ACTR5: variants seen among roughly 807,000 people sequenced by gnomAD.
ACTR5 encodes the protein actin-related protein 5.
ACTR5 carries 43 observed loss-of-function variants against 61.2 expected under a neutral mutation model. That is an observed-to-expected ratio of 0.70 (90% CI 0.55 to 0.91). ACTR5 has a LOEUF of 0.91. ACTR5 is among the 40% of genes least tolerant of loss of function. ACTR5 has a pLI of 0.00. For synonymous variants in ACTR5, 333 were observed against 310.5 expected, an observed-to-expected ratio of 1.07 and a Z score of -0.76; for missense variants, 798 against 782.2, an observed-to-expected ratio of 1.02 and a Z score of -0.24.
chr20:38,751,353 T>C (rs1342057756), intron 2 of ACTR5, among the ~76,000 whole-genome samples: 2 of 152,266 alleles, frequency 1.3e-5, no homozygotes, highest in African/African-American at 4.8e-5. Flanking sequence ...TCATGAAGTT[T>C]CTATGAAAAT....
Position 38,754,972 on chromosome 20 carries a change from G to A in ACTR5, c.791G>A (p.Arg264Gln), listed in dbSNP as rs748333992. The A allele has an allele frequency of 2.5e-5, 40 of 1,613,930 alleles. No individual in the cohort carries two copies. Among genetic ancestry groups the A allele is most frequent in the Middle Eastern group, 3.3e-4 (2 of 6,084 alleles). The change falls in exon 4 of 9, where the codon CGG (arginine) becomes CAG (glutamine). Residue 264 changes from arginine to glutamine, a missense_variant. Arg to Gln is a conservative substitution (Grantham distance 43, BLOSUM62 1). Transcript: ENST00000243903. Reference sequence around the variant, plus strand: ...TTCTTTGAAGAATTACACAAATGGCGGTGTCCTGATTATTATGAGAATAAT... The same window carrying A: ...TTCTTTGAAGAATTACACAAATGGCAGTGTCCTGATTATTATGAGAATAAT... ...EDYVEELHKW[R>Q]CPDYYENNVH...
At position 38,748,604 on chromosome 20, in the gene ACTR5, C is replaced by G; in HGVS notation, c.126C>G (p.Val42=). 10 of 1,523,662 alleles carry G rather than the reference C, an allele frequency of 6.6e-6. No homozygotes were observed. Among genetic ancestry groups the G allele is most frequent in the Non-Finnish European group, 8.8e-6 (10 of 1,137,870 alleles). The allele number at this position is 1,523,662 out of a possible 1,614,324, so 94.4% of individuals were successfully genotyped here. A position where few individuals can be genotyped will look rare whatever the true frequency, so the allele number is the denominator to read the frequency against. The part of the protein sequence containing the change: ...PLVLDNGSFQ[V]RAGWACPGQD... ...TGCTGGACAACGGGTCGTTCCAAGT[C>G]CGCGCTGGCTGGGCGTGTCCCGGGC... The change falls in exon 1 of 9, where the codon GTC becomes GTG. Residue 42 remains valine, a synonymous_variant. Coordinates refer to ENST00000243903, the MANE Select transcript of ACTR5 (RefSeq NM_024855.4).
chr20:38,758,716 A>G (rs2084435356), intron 5 of ACTR5, among the ~76,000 whole-genome samples: 1 of 152,206 alleles, frequency 6.6e-6, no homozygotes, highest in Non-Finnish European at 1.5e-5. Flanking sequence ...ATTTTAGGGT[A>G]ATTCTTAATG....
At chr20:38,769,730 CT>C (rs2084509188) in intron 8 of ACTR5, among the ~76,000 whole-genome samples, 1 of 152,056 alleles carries the variant, frequency 6.6e-6, no homozygotes, top group African/African-American at 2.4e-5. Flanking sequence ...ATAAAATGTG[CT>C]CTGGGCACTC....
chr20:38,767,380 G>A, intron 7 of ACTR5, 84 bp from the exon 8 acceptor site: 1 of 1,087,198 alleles, frequency 9.2e-7, no homozygotes, highest in Non-Finnish European at 1.3e-6. Context: ...TTTCTGTTTT[G>A]TACTGAGAGC....
intron 5 of ACTR5, among the ~76,000 whole-genome samples, chr20:38,759,841 T>C (rs1051206485): frequency 1.3e-5 from 2 of 152,096 alleles, no homozygotes; most frequent in African/African-American, 4.8e-5. Context: ...ATTTGGTTTT[T>C]TGAGAAGGAC....
intron 5 of ACTR5, 54 bp from the exon 6 acceptor site, chr20:38,765,348 G>A: frequency 7.8e-7 from 1 of 1,287,980 alleles, no homozygotes; most frequent in Non-Finnish European, 1.1e-6. Context: ...TAAAATGATA[G>A]AACTGAGGCC....
intron 3 of ACTR5, among the ~76,000 whole-genome samples, chr20:38,753,581 T>C (rs771152700): frequency 5.3e-5 from 8 of 152,284 alleles, no homozygotes; most frequent in Non-Finnish European, 1.0e-4. Flanking sequence ...TGTTTTCATT[T>C]CTCCAGAGTA....
intron 8 of ACTR5, among the ~76,000 whole-genome samples, chr20:38,769,998 A>G (rs764695232): frequency 9.9e-5 from 15 of 152,196 alleles, no homozygotes; most frequent in East Asian, 1.9e-4. Flanking sequence ...GTAATTTCCA[A>G]AGTCTCCCAT....
At chr20:38,749,027 A>G (rs1456289035) in intron 1 of ACTR5, among the ~76,000 whole-genome samples, 174 bp downstream of exon 1, 1 of 152,144 alleles carries the variant, frequency 6.6e-6, no homozygotes, top group Admixed American at 6.5e-5. Flanking sequence ...TGCTCCTTGT[A>G]TCTTGGAGCA....
chr20:38,769,458 T>G (rs2084507376), intron 8 of ACTR5, among the ~76,000 whole-genome samples: 2 of 152,150 alleles, frequency 1.3e-5, no homozygotes, highest in Non-Finnish European at 2.9e-5. Context: ...TGATAGTAAG[T>G]TGGATCTGGG....
chr20:38,748,738 T>C lies in ACTR5; in HGVS notation c.260T>C (p.Leu87Pro). ...GPQVGNALGS[L>P]EPLRWMLRSP... is the part of the protein sequence containing the mutation. ...CAGGTGGGGAACGCTCTGGGCAGCC[T>C]GGAGCCACTGCGCTGGATGCTGCGC... The change falls in exon 1 of 9, where the codon CTG becomes CCG. Residue 87 changes from leucine (L) to proline (P), a missense_variant. By Grantham distance (98) the Leu-to-Pro change is moderately conservative. Transcript: ENST00000243903. 1 of 1,583,892 alleles carries C rather than the reference T, an allele frequency of 6.3e-7. No individual in the cohort carries two copies. The highest frequency in any genetic ancestry group is 1.4e-5 in the African/African-American group (1 of 73,606).
chr20:38,750,914 A>G (rs2084383703), intron 2 of ACTR5, among the ~76,000 whole-genome samples: 1 of 152,188 alleles, frequency 6.6e-6, no homozygotes, highest in South Asian at 2.1e-4. Flanking sequence ...TACAGGGGTG[A>G]GCCACCGCGC....
At chr20:38,765,888 C>CT (rs2084483467) in intron 6 of ACTR5, among the ~76,000 whole-genome samples, 1 of 152,206 alleles carries the variant, frequency 6.6e-6, no homozygotes, top group Non-Finnish European at 1.5e-5. Context: ...TGTCCTGAGT[C>CT]TGAGACCCAC....
intron 8 of ACTR5, 30 bp downstream of exon 8, chr20:38,767,626 T>C: frequency 6.3e-7 from 1 of 1,584,630 alleles, no homozygotes; most frequent in Non-Finnish European, 8.6e-7. Context: ...TCAATTATTT[T>C]GAAAATAGCA....
chr20:38,748,840 G>T lies in ACTR5; in HGVS notation c.362G>T (p.Gly121Val), dbSNP rs769213605. The T allele has an allele frequency of 6.2e-7, 1 of 1,607,696 alleles. No individual in the cohort carries two copies. Among genetic ancestry groups the T allele is most frequent in the African/African-American group, 1.3e-5 (1 of 74,124 alleles). Residue 121 changes from glycine (G) to valine (V), a missense_variant, in exon 1 of 9, where the codon GGT becomes GTT. Transcript: ENST00000243903. ...CTGGACTACAGCTTCCAGCACCTGG[G>T]TGTCTCCTCACAGGTGAAGGGCGGA... Reference protein sequence around the residue: ...LLLDYSFQHLGVSSQGCVDHP... With the variant: ...LLLDYSFQHLVVSSQGCVDHP...
In ACTR5 at chr20:38,752,313, A is replaced by G; in HGVS notation, c.775+13A>G. The stretch of plus-strand genomic sequence containing the variant: ...GATTATGTGGAAGGTATCCAAGAGG[A>G]TGTTTGCCTGCAGCTTTTGGGTGTT... On this transcript the variant is annotated intron_variant, in intron 3 of 8. Transcript: ENST00000243903. The G allele has an allele frequency of 1.9e-6, 3 of 1,577,238 alleles. No homozygotes were observed. The highest frequency in any genetic ancestry group is 2.6e-6 in the Non-Finnish European group (3 of 1,155,032).
rs754561132 is a variant in ACTR5 at position 38,750,249 on chromosome 20, A to G, written c.605+10A>G. The stretch of plus-strand genomic sequence containing the variant: ...CCATCTTAGAAGGGAGGTGAGTTGC[A>G]CTTGTGGCATTTGAGTGCGATTTTG... On this transcript the variant is annotated intron_variant, in intron 2 of 8. Coordinates refer to ENST00000243903, the MANE Select transcript of ACTR5 (RefSeq NM_024855.4). 1 of 1,608,404 alleles carries G rather than the reference A, an allele frequency of 6.2e-7. No homozygotes were observed. The highest frequency in any genetic ancestry group is 8.5e-7 in the Non-Finnish European group (1 of 1,176,244).
intron 5 of ACTR5, among the ~76,000 whole-genome samples, chr20:38,756,629 G>A (rs1393494083): frequency 6.6e-6 from 1 of 152,202 alleles, no homozygotes; most frequent in Non-Finnish European, 1.5e-5. Context: ...TTGAGGCCGG[G>A]CGTGCTGGCT....
Sources: gnomAD v4.1 joint callset for allele counts (sites outside exome capture counted in the v4.1 genomes callset) on GRCh38, gnomAD v4.1.1 for gene constraint, MANE v1.5 for transcripts, NCBI Gene and HGNC (gene_info 2026-07-23, HGNC 2026-07-21) for gene names.